The following GABPB2 variants were observed in gnomAD, a reference collection of about 807,000 sequenced individuals.
GABPB2 encodes the protein GA-binding protein subunit beta-2.
In GABPB2, 23 loss-of-function variants were observed where a neutral mutation model predicts 39.1. That is an observed-to-expected ratio of 0.59 (90% CI 0.42 to 0.83). The LOEUF (loss-of-function observed/expected upper bound fraction) is 0.83, where lower values mean the gene tolerates loss of function less well. GABPB2 is among the 40% of genes least tolerant of loss of function. GABPB2 has a pLI of 0.00. For missense variants in GABPB2, 467 were observed against 541.1 expected (o/e 0.86, Z 1.36); for synonymous variants, 184 against 199.3 (o/e 0.92, Z 0.65).
rs1211491120 is a variant in GABPB2 at position 151,119,304 on chromosome 1, A to T, written c.*1048A>T. The stretch of plus-strand genomic sequence containing the variant: ...GGCTTGAGTGACAGAGCAAGACTGT[A>T]TCTCAAAGGAAAAAGGAAACTAGGC... On this transcript the variant is annotated 3_prime_UTR_variant, in exon 9 of 9. Transcript: ENST00000368918. The T allele has an allele frequency of 6.6e-6, 1 of 151,888 alleles. No individual in the cohort carries two copies. The highest frequency in any genetic ancestry group is 6.6e-5 in the Admixed American group (1 of 15,228). The allele number at this position is 151,888 out of a possible 1,614,324, so 9.4% of individuals were successfully genotyped here. A position where few individuals can be genotyped will look rare whatever the true frequency, so the allele number is the denominator to read the frequency against.
At position 151,082,207 on chromosome 1, in the gene GABPB2, A is replaced by T. The variant is rs145147382; in HGVS notation, c.1-5983A>T. On this transcript the variant is annotated intron_variant, in intron 1 of 8. Transcript: ENST00000368918. Reference sequence around the variant, plus strand: ...TTCTTCTGCCTCAGCCTCCCAAGTAACTGGGACTACAGGCACATGCCACCA... The same window carrying T: ...TTCTTCTGCCTCAGCCTCCCAAGTATCTGGGACTACAGGCACATGCCACCA... 7.9e-3 allele frequency among the ~76,000 whole-genome samples: 1,180 copies of T among 149,222 alleles called. 16 individuals carry two copies. The highest frequency in any genetic ancestry group is 0.028 in the African/African-American group (1,120 of 40,586).
chr1:151,101,489 G>C (rs1175355586), intron 5 of GABPB2, among the ~76,000 whole-genome samples: 14 of 151,936 alleles, frequency 9.2e-5, no homozygotes. Flanking sequence ...CAGGAGAATG[G>C]CGTGAACCTG....
At chr1:151,089,939 A>AT (rs1678525591) in intron 2 of GABPB2, among the ~76,000 whole-genome samples, 4 of 103,244 alleles carry the variant, frequency 3.9e-5, no homozygotes, top group African/African-American at 5.7e-5. Flanking sequence ...TTAGCATGTT[A>AT]ATTTTTTTTT....
rs587736757 is a variant in GABPB2 at position 151,081,318 on chromosome 1, G to A, written c.1-6872G>A. On this transcript the variant is annotated intron_variant, in intron 1 of 8. Coordinates refer to ENST00000368918, the MANE Select transcript of GABPB2 (RefSeq NM_144618.3). ...AGCCTGGACAACATGGTGAAACCCCGTCTCTACTAAACATAGAAAAATTAG... is the reference window on the plus strand; with the variant it reads ...AGCCTGGACAACATGGTGAAACCCCATCTCTACTAAACATAGAAAAATTAG... Among the ~76,000 whole-genome samples, 13 of 152,024 alleles carry A rather than the reference G, an allele frequency of 8.6e-5. No individual in the cohort carries two copies. In the South Asian group the frequency reaches 1.7e-3, roughly 19 times the overall value.
intron 1 of GABPB2, among the ~76,000 whole-genome samples, chr1:151,072,249 C>T (rs904740635): frequency 6.6e-6 from 1 of 152,198 alleles, no homozygotes; most frequent in African/African-American, 2.4e-5. Context: ...AAAACACACA[C>T]TTATTGAAAG....
chr1:151,115,447 C>A (rs1409443347), intron 7 of GABPB2, among the ~76,000 whole-genome samples: 1 of 147,378 alleles, frequency 6.8e-6, no homozygotes, highest in African/African-American at 2.5e-5. Flanking sequence ...GTCACCCAAG[C>A]TGGAGTGCAG....
In GABPB2 at chr1:151,093,250, C is replaced by T. The variant is rs895985804; in HGVS notation, c.335C>T (p.Thr112Ile). 2 of 1,610,630 alleles carry T rather than the reference C, an allele frequency of 1.2e-6. No homozygotes were observed. Among genetic ancestry groups the T allele is most frequent in the Non-Finnish European group, 8.5e-7 (1 of 1,178,812 alleles). ...MLKMTALHWATERHHRDVVEL... is the reference protein window; with the variant it reads ...MLKMTALHWAIERHHRDVVEL... ...AAGATGACAGCTTTGCATTGGGCCA[C>T]AGAGCGCCACCATCGAGATGTCGTA... The change falls in exon 4 of 9, where the codon ACA becomes ATA. Residue 112 changes from threonine (T) to isoleucine (I), a missense_variant. Thr to Ile is a moderately conservative substitution (Grantham distance 89, BLOSUM62 -1). Transcript: ENST00000368918.
Position 151,120,422 on chromosome 1 carries a change from A to C in GABPB2, c.*2166A>C, listed in dbSNP as rs1025447750. On this transcript the variant is annotated 3_prime_UTR_variant, in exon 9 of 9. Coordinates refer to ENST00000368918, the MANE Select transcript of GABPB2 (RefSeq NM_144618.3). ...CTACTCAGGAGGCTGAGGCAGGAGAATCGCTTGAACCCGGGAGGCGGCAGT... is the reference window on the plus strand; with the variant it reads ...CTACTCAGGAGGCTGAGGCAGGAGACTCGCTTGAACCCGGGAGGCGGCAGT... 7 of 152,248 alleles carry C rather than the reference A, an allele frequency of 4.6e-5. No individual in the cohort carries two copies. The highest frequency in any genetic ancestry group is 4.6e-4 in the Admixed American group (7 of 15,276). The allele number at this position is 152,248 out of a possible 1,614,324, so 9.4% of individuals were successfully genotyped here.
At chr1:151,097,756 G>A in intron 4 of GABPB2, 96 bp from the exon 5 acceptor site, 1 of 1,238,226 alleles carries the variant, frequency 8.1e-7, no homozygotes, top group Non-Finnish European at 1.1e-6. Flanking sequence ...TCCAGCCTGG[G>A]TGGCAGAGTG....
chr1:151,072,511 T>G (rs1257366727), intron 1 of GABPB2, among the ~76,000 whole-genome samples: 1 of 151,588 alleles, frequency 6.6e-6, no homozygotes, highest in Non-Finnish European at 1.5e-5. Context: ...ATTGCACCAC[T>G]GCACTCCAGC....
chr1:151,118,163 G>A lies in GABPB2; in HGVS notation c.1254G>A (p.Glu418=), dbSNP rs1479739531. The change falls in exon 9 of 9, where the codon GAG becomes GAA. Residue 418 remains glutamate, a synonymous_variant. Coordinates refer to ENST00000368918, the MANE Select transcript of GABPB2 (RefSeq NM_144618.3). ...AGGTAGATGCTGTAGTAGTCACAGA[G>A]GGGGAGTTGGAAGAGAGAGAGACAA... is the stretch of plus-strand genomic sequence containing the variant. ...VAEVDAVVVT[E]GELEERETKV... 12 of 1,614,038 alleles carry A rather than the reference G, an allele frequency of 7.4e-6. No individual in the cohort carries two copies. Among genetic ancestry groups the A allele is most frequent in the South Asian group, 2.2e-5 (2 of 91,086 alleles).
At chr1:151,117,545 T>A in intron 8 of GABPB2, 29 bp downstream of exon 8, 1 of 1,608,460 alleles carries the variant, frequency 6.2e-7, no homozygotes, top group Non-Finnish European at 8.5e-7. Flanking sequence ...ATGAAAAGAA[T>A]TTAAAGCCTT....
rs192435919 is a variant in GABPB2 at position 151,083,636 on chromosome 1, T to C, written c.1-4554T>C. Among the ~76,000 whole-genome samples, 764 of 149,272 alleles carry C rather than the reference T, an allele frequency of 5.1e-3. 2 individuals are homozygous for C. The highest frequency in any genetic ancestry group is 8.8e-3 in the Non-Finnish European group (594 of 67,694). On this transcript the variant is annotated intron_variant, in intron 1 of 8. Transcript: ENST00000368918. Reference sequence around the variant, plus strand: ...GTGACAGGGCAAGACTCCGTCTCTATAGAGAGAAAAAAAAAAAATTATATA... The same window carrying C: ...GTGACAGGGCAAGACTCCGTCTCTACAGAGAGAAAAAAAAAAAATTATATA...
chr1:151,086,597 G>A (rs587696048), intron 1 of GABPB2, among the ~76,000 whole-genome samples: 5 of 152,142 alleles, frequency 3.3e-5, no homozygotes, highest in Middle Eastern at 3.4e-3. Context: ...GGACCACCAG[G>A]GGTCCATAAA....
chr1:151,075,622 T>G (rs1413636610), intron 1 of GABPB2, among the ~76,000 whole-genome samples: 1 of 130,370 alleles, frequency 7.7e-6, no homozygotes, highest in Non-Finnish European at 1.6e-5. Flanking sequence ...GACAGGAGAA[T>G]CGCTACAACC....
intron 3 of GABPB2, among the ~76,000 whole-genome samples, chr1:151,091,761 G>A (rs1243799506): frequency 6.6e-6 from 1 of 151,980 alleles, no homozygotes; most frequent in East Asian, 1.9e-4. Flanking sequence ...ATAGGTGTGA[G>A]CCACCACGCC....
intron 7 of GABPB2, among the ~76,000 whole-genome samples, chr1:151,107,874 G>A (rs1271766513): frequency 6.6e-6 from 1 of 151,886 alleles, no homozygotes; most frequent in Non-Finnish European, 1.5e-5. Context: ...GGTTGAGGCT[G>A]TACTGAGCCG....
At chr1:151,087,191 T>C (rs117049171) in intron 1 of GABPB2, among the ~76,000 whole-genome samples, 3,515 of 150,248 alleles carry the variant, frequency 0.023, 64 homozygotes, top group South Asian at 0.085. Flanking sequence ...TTCGCCATTT[T>C]GCCTAGGCTG....
intron 4 of GABPB2, 62 bp from the exon 5 acceptor site, chr1:151,097,790 A>G (rs1679206857): frequency 1.4e-6 from 2 of 1,432,556 alleles, no homozygotes; most frequent in African/African-American, 1.5e-5. Context: ...AAAAAAAAAA[A>G]GAAAGACAGA....
Sources: gnomAD v4.1 joint callset for allele counts (sites outside exome capture counted in the v4.1 genomes callset) on GRCh38, gnomAD v4.1.1 for gene constraint, MANE v1.5 for transcripts, NCBI Gene and HGNC (gene_info 2026-07-23, HGNC 2026-07-21) for gene names.